The following AP2B1 variants were observed in gnomAD, a reference collection of about 807,000 sequenced individuals.
AP2B1 encodes the protein adaptor related protein complex 2 subunit beta 1.
In AP2B1, 23 loss-of-function variants were observed where a neutral mutation model predicts 102.0. That is an observed-to-expected ratio of 0.23 (90% CI 0.16 to 0.32). The LOEUF (loss-of-function observed/expected upper bound fraction) is 0.32, where lower values mean the gene tolerates loss of function less well. AP2B1 is among the 10% of genes least tolerant of loss of function. The probability of loss-of-function intolerance (pLI) is 1.00; values close to 1 mark genes in which losing one functional copy is unlikely to be tolerated. For missense variants in AP2B1, 541 were observed against 1,157.4 expected (o/e 0.47, Z 7.73); for synonymous variants, 381 against 421.2 (o/e 0.90, Z 1.17).
At chr17:35,681,480 A>G (rs1449116608) in intron 17 of AP2B1, among the ~76,000 whole-genome samples, 1 of 152,178 alleles carries the variant, frequency 6.6e-6, no homozygotes, top group Non-Finnish European at 1.5e-5. Context: ...ATTCACTGCA[A>G]CCTCTAATGC....
At chr17:35,648,203 A>G (rs1567895796) in intron 12 of AP2B1, among the ~76,000 whole-genome samples, 9 of 152,096 alleles carry the variant, frequency 5.9e-5, no homozygotes. Flanking sequence ...GCCACTTTAT[A>G]ATGATGACAA....
Position 35,639,579 on chromosome 17 carries a change from C to A in AP2B1, c.1272-16C>A. 1 of 1,596,478 alleles carries A rather than the reference C, an allele frequency of 6.3e-7. No homozygotes were observed. The highest frequency in any genetic ancestry group is 1.1e-5 in the South Asian group (1 of 87,550). On this transcript the variant is annotated splice_polypyrimidine_tract_variant and intron_variant, in intron 10 of 21. Transcript: ENST00000610402. ...AGTTTTGCCCTCAATAACCATAGTT[C>A]ATTTTTTTTCATCAGGTATGAAAGT...
At chr17:35,613,848 G>T (rs2073936671) in intron 5 of AP2B1, among the ~76,000 whole-genome samples, 1 of 152,198 alleles carries the variant, frequency 6.6e-6, no homozygotes, top group Admixed American at 6.5e-5. Flanking sequence ...GTCAGATGTG[G>T]ACTTTATTAG....
intron 18 of AP2B1, among the ~76,000 whole-genome samples, chr17:35,703,571 A>G (rs181978664): frequency 6.6e-6 from 1 of 152,316 alleles, no homozygotes; most frequent in Admixed American, 6.5e-5. Flanking sequence ...TAGCAAACTA[A>G]CACAGGAACA....
intron 18 of AP2B1, among the ~76,000 whole-genome samples, chr17:35,699,358 C>T (rs1159351576): frequency 3.3e-5 from 5 of 152,138 alleles, no homozygotes; most frequent in Admixed American, 6.5e-5. Context: ...TCAAATTTTC[C>T]CTATAAAGGG....
At chr17:35,710,797 A>G (rs1276306467) in intron 20 of AP2B1, among the ~76,000 whole-genome samples, 1 of 152,212 alleles carries the variant, frequency 6.6e-6, no homozygotes, top group Non-Finnish European at 1.5e-5. Context: ...TGGGCCAAGT[A>G]TGGTGGCTCA....
Position 35,725,593 on chromosome 17 carries a change from G to A in AP2B1, c.*1894G>A, listed in dbSNP as rs892519170. 1 of 152,414 alleles carries A rather than the reference G, an allele frequency of 6.6e-6. No individual in the cohort carries two copies. The highest frequency in any genetic ancestry group is 2.4e-5 in the African/African-American group (1 of 41,410). The allele number at this position is 152,414 out of a possible 1,614,324, so 9.4% of individuals were successfully genotyped here. A position where few individuals can be genotyped will look rare whatever the true frequency, so the allele number is the denominator to read the frequency against. On this transcript the variant is annotated 3_prime_UTR_variant, in exon 22 of 22. Coordinates refer to ENST00000610402, the MANE Select transcript of AP2B1 (RefSeq NM_001030006.2). ...CTTGCACACCACCCCTGAAGCACAT[G>A]GCAGTAGGAAACAGCATAGGATTGT...
chr17:35,592,725 CAG>C (rs1192015620), intron 1 of AP2B1, among the ~76,000 whole-genome samples: 2 of 151,992 alleles, frequency 1.3e-5, no homozygotes, highest in African/African-American at 4.8e-5. Flanking sequence ...GTATTTTTAG[CAG>C]AGACAGGATT....
chr17:35,632,761 G>A (rs2074497794), intron 9 of AP2B1, among the ~76,000 whole-genome samples: 2 of 151,414 alleles, frequency 1.3e-5, no homozygotes, highest in African/African-American at 4.9e-5. Context: ...TACATCATGA[G>A]TAACATCCTT....
intron 18 of AP2B1, 106 bp from the exon 19 acceptor site, chr17:35,709,118 A>G (rs781999391): frequency 1.1e-6 from 1 of 940,330 alleles, no homozygotes; most frequent in Non-Finnish European, 1.7e-6. Flanking sequence ...GCACTGAGAG[A>G]AAGAGGAAGG....
At chr17:35,627,587 T>A (rs1211286529) in intron 8 of AP2B1, 44 bp from the exon 9 acceptor site, 7 of 1,612,814 alleles carry the variant, frequency 4.3e-6, no homozygotes, top group Non-Finnish European at 5.9e-6. Flanking sequence ...GTGAGATTGC[T>A]ATTTGAGAAT....
At chr17:35,650,410 C>G in intron 12 of AP2B1, 120 bp from the exon 13 acceptor site, 2 of 1,219,546 alleles carry the variant, frequency 1.6e-6, no homozygotes, top group Non-Finnish European at 2.3e-6. Flanking sequence ...CCTGAAGTAT[C>G]TTCTTAATAC....
intron 5 of AP2B1, among the ~76,000 whole-genome samples, chr17:35,609,512 AATTTTTTGT>A (rs1381762055): frequency 7.9e-5 from 12 of 152,062 alleles, no homozygotes; most frequent in African/African-American, 2.4e-4. Context: ...ACGCCTGGCT[AATTTTTTGT>A]ATTTTTTAGT....
chr17:35,708,982 T>G (rs1555586107), intron 18 of AP2B1, among the ~76,000 whole-genome samples: 1 of 152,112 alleles, frequency 6.6e-6, no homozygotes, highest in Non-Finnish European at 1.5e-5. Flanking sequence ...GGTATACAAG[T>G]TGTGCCTTGA....
At chr17:35,715,619 C>G (rs9906309) in intron 20 of AP2B1, among the ~76,000 whole-genome samples, 19,306 of 152,224 alleles carry the variant, frequency 0.13, 1,275 homozygotes, top group Middle Eastern at 0.16. Context: ...GCCTAGCAAC[C>G]CACTCAAAGC....
At chr17:35,638,879 T>G (rs564401945) in intron 10 of AP2B1, among the ~76,000 whole-genome samples, 1 of 152,170 alleles carries the variant, frequency 6.6e-6, no homozygotes, top group Admixed American at 6.5e-5. Flanking sequence ...GTCTGGACAC[T>G]GTTGTTGTCT....
intron 18 of AP2B1, among the ~76,000 whole-genome samples, chr17:35,705,793 G>C (rs2076329386): frequency 1.3e-5 from 2 of 151,984 alleles, no homozygotes; most frequent in South Asian, 4.1e-4. Flanking sequence ...AGGCTCACAT[G>C]GTGGCTCACG....
chr17:35,708,535 A>T (rs1555585948), intron 18 of AP2B1, among the ~76,000 whole-genome samples: 17 of 151,964 alleles, frequency 1.1e-4, no homozygotes. Context: ...AAATTTATTT[A>T]TTTGCTCGCT....
chr17:35,595,085 G>T (rs927071298), intron 2 of AP2B1, among the ~76,000 whole-genome samples: 23 of 152,112 alleles, frequency 1.5e-4, no homozygotes, highest in Admixed American at 5.2e-4. Flanking sequence ...TTCTCTTGTT[G>T]CAGTGAGTTG....
Sources: gnomAD v4.1 joint callset for allele counts (sites outside exome capture counted in the v4.1 genomes callset) on GRCh38, gnomAD v4.1.1 for gene constraint, MANE v1.5 for transcripts, NCBI Gene and HGNC (gene_info 2026-07-23, HGNC 2026-07-21) for gene names.